RAD52: variants seen among roughly 807,000 people sequenced by gnomAD.
The protein encoded by RAD52 is DNA repair protein RAD52 homolog.
A neutral mutation model predicts 55.5 loss-of-function variants in RAD52; 47 were observed. The ratio of observed to expected loss-of-function variants is 0.85; its 90% CI spans 0.67 to 1.08. The LOEUF (loss-of-function observed/expected upper bound fraction) is 1.08. Ranked by LOEUF, RAD52 falls within the 50% of genes least tolerant of loss-of-function variation. The pLI is 0.00. For missense variants in RAD52, 468 were observed against 522.8 expected (o/e 0.90, Z 1.02); for synonymous variants, 184 against 198.9 (o/e 0.92, Z 0.63).
At chr12:935,285 C>T (rs764761782) in intron 1 of RAD52, among the ~76,000 whole-genome samples, 2 of 151,258 alleles carry the variant, frequency 1.3e-5, no homozygotes, top group Non-Finnish European at 2.9e-5. Flanking sequence ...AGAAATGAAA[C>T]AAATGAAGAG....
intron 7 of RAD52, among the ~76,000 whole-genome samples, chr12:919,500 C>A (rs1395493590): frequency 6.6e-6 from 1 of 152,038 alleles, no homozygotes; most frequent in African/African-American, 2.4e-5. Context: ...AATCCCAGAA[C>A]TTTGGGAGGC....
At position 914,118 on chromosome 12, in the gene RAD52, G is replaced by A; in HGVS notation, c.971C>T (p.Thr324Ile). ...CCACTTTTCAGAGTTGTCTTCAAGA[G>A]TCTCTACAGAGGTCAAGGAAAAGTG... ...LAGVTQELIK[T>I]LEDNSEKWAV... The change falls in exon 11 of 12, where the codon ACT becomes ATT. Residue 324 changes from threonine to isoleucine, a missense_variant. Physicochemically the swap from Thr to Ile is moderately conservative, Grantham distance 89. Coordinates refer to ENST00000358495, the MANE Select transcript of RAD52 (RefSeq NM_134424.4). 2 of 1,613,486 alleles carry A rather than the reference G, an allele frequency of 1.2e-6. No homozygotes were observed. The highest frequency in any genetic ancestry group is 1.7e-6 in the Non-Finnish European group (2 of 1,179,402).
chr12:954,551 T>A (rs1958579362), upstream of RAD52, among the ~76,000 whole-genome samples: 1 of 152,152 alleles, frequency 6.6e-6, no homozygotes. Flanking sequence ...TGAGACTTGC[T>A]TGAACCCGGG....
rs1411800834 is a variant in RAD52 at position 925,358 on chromosome 12, A to G, written c.543+92T>C. The stretch of plus-strand genomic sequence containing the variant: ...CGACCCTCTAAAGAGCTGAGTCCTC[A>G]CTTTTTCTCCTTGCATCCTCCAAAT... On this transcript the variant is annotated intron_variant, in intron 7 of 11. Transcript: ENST00000358495. 4 of 1,097,240 alleles carry G rather than the reference A, an allele frequency of 3.6e-6. No homozygotes were observed. The African/African-American group carries it at 4.7e-5, about 13-fold the overall frequency. The allele number at this position is 1,097,240 out of a possible 1,614,324, so 68.0% of individuals were successfully genotyped here. A position where few individuals can be genotyped will look rare whatever the true frequency, so the allele number is the denominator to read the frequency against.
chr12:946,527 CCAA>C (rs933041542), intron 1 of RAD52, among the ~76,000 whole-genome samples: 3 of 152,234 alleles, frequency 2.0e-5, no homozygotes, highest in South Asian at 4.1e-4. Flanking sequence ...GAACTCACAG[CCAA>C]CAACAAAAGT....
At chr12:962,568 C>T (rs1162656013) in intron 1 of RAD52, among the ~76,000 whole-genome samples, 2 of 151,436 alleles carry the variant, frequency 1.3e-5, no homozygotes, top group South Asian at 2.1e-4. Context: ...AGGATGGTCT[C>T]GATCTCCTGA....
At chr12:955,101 T>C (rs1958586292) in intron 1 of RAD52, among the ~76,000 whole-genome samples, 2 of 152,228 alleles carry the variant, frequency 1.3e-5, no homozygotes, top group African/African-American at 4.8e-5. Context: ...TAAAGGTAAG[T>C]ATTCTTAAGG....
At chr12:966,958 T>C (rs1217459479) in intron 1 of RAD52, among the ~76,000 whole-genome samples, 1 of 152,104 alleles carries the variant, frequency 6.6e-6, no homozygotes, top group African/African-American at 2.4e-5. Context: ...CCCTGTGCTG[T>C]AGTTAAATAT....
intron 7 of RAD52, among the ~76,000 whole-genome samples, chr12:919,414 C>T (rs918470740): frequency 4.6e-5 from 7 of 151,698 alleles, no homozygotes; most frequent in African/African-American, 9.7e-5. Flanking sequence ...ACTCCAGCCT[C>T]GGTGACAAGA....
chr12:938,939 A>G (rs1209465177), intron 1 of RAD52, among the ~76,000 whole-genome samples: 3 of 151,958 alleles, frequency 2.0e-5, no homozygotes, highest in Non-Finnish European at 4.4e-5. Flanking sequence ...TGTGATAATT[A>G]TATCGTGATT....
At chr12:957,572 G>A (rs1958625492) in intron 1 of RAD52, among the ~76,000 whole-genome samples, 1 of 151,544 alleles carries the variant, frequency 6.6e-6, no homozygotes, top group Non-Finnish European at 1.5e-5. Flanking sequence ...AATCACTTGA[G>A]TCCAGGAGTT....
Position 924,942 on chromosome 12 carries a change from G to A in RAD52, c.543+508C>T, listed in dbSNP as rs531892359. On this transcript the variant is annotated intron_variant, in intron 7 of 11. Coordinates refer to ENST00000358495, the MANE Select transcript of RAD52 (RefSeq NM_134424.4). ...CTAGACCTCACATTCTTGTCAAATG[G>A]TGTGATTTTTTTTTTTTTTTTTTTT... 2.1e-3 allele frequency among the ~76,000 whole-genome samples: 295 copies of A among 140,964 alleles called. 2 individuals are homozygous for A. The highest frequency in any genetic ancestry group is 0.011 in the Middle Eastern group (3 of 282). 92.5% of individuals were successfully genotyped at this position (140,964 alleles called of 152,430 possible). A position where few individuals can be genotyped will look rare whatever the true frequency, so the allele number is the denominator to read the frequency against.
At chr12:930,550 A>C (rs1162171554) in intron 3 of RAD52, among the ~76,000 whole-genome samples, 1 of 152,214 alleles carries the variant, frequency 6.6e-6, no homozygotes, top group African/African-American at 2.4e-5. Flanking sequence ...GGAAGACCAA[A>C]AATATACACA....
chr12:973,782 C>CTTTTTTTTTTTTTTT (rs750425355), intron 1 of RAD52, among the ~76,000 whole-genome samples: 3 of 113,478 alleles, frequency 2.6e-5, no homozygotes, highest in African/African-American at 1.1e-4. Context: ...CCCAGTCCTT[C>CTTTTTTTTTTTTTTT]TTTTTTTTTT....
chr12:951,107 T>C (rs1359221131), upstream of RAD52, among the ~76,000 whole-genome samples: 1 of 150,992 alleles, frequency 6.6e-6, no homozygotes, highest in Non-Finnish European at 1.5e-5. Context: ...TTTTGATAAA[T>C]GATTTTTTTT....
At chr12:959,198 AT>A (rs1399530256) in intron 1 of RAD52, among the ~76,000 whole-genome samples, 10 of 152,334 alleles carry the variant, frequency 6.6e-5, no homozygotes, top group Non-Finnish European at 1.5e-4. Context: ...CACTAGTATC[AT>A]CTCTATTTCA....
At chr12:979,548 T>G (rs1958982313) in intron 1 of RAD52, among the ~76,000 whole-genome samples, 1 of 152,008 alleles carries the variant, frequency 6.6e-6, no homozygotes, top group Non-Finnish European at 1.5e-5. Context: ...CGTCTCTCTC[T>G]CTCTCTCTGT....
intron 9 of RAD52, among the ~76,000 whole-genome samples, chr12:915,997 A>G (rs186062754): frequency 2.6e-3 from 403 of 152,304 alleles, no homozygotes; most frequent in Non-Finnish European, 4.4e-3. Context: ...GATTACGGAC[A>G]TGAGCCACCG....
At chr12:977,547 G>C (rs115286347) in intron 1 of RAD52, among the ~76,000 whole-genome samples, 5,577 of 152,230 alleles carry the variant, frequency 0.037, 130 homozygotes, top group Middle Eastern at 0.075. Flanking sequence ...CCTTTGACCA[G>C]CTGCCTGACA....
Sources: gnomAD v4.1 joint callset for allele counts (sites outside exome capture counted in the v4.1 genomes callset) on GRCh38, gnomAD v4.1.1 for gene constraint, MANE v1.5 for transcripts, NCBI Gene and HGNC (gene_info 2026-07-23, HGNC 2026-07-21) for gene names.